Variants in TLE1 observed in about 807,000 individuals in gnomAD.
TLE1 encodes TLE family member 1, transcriptional corepressor.
In TLE1, 21 loss-of-function variants were observed where a neutral mutation model predicts 89.8. The ratio of observed to expected loss-of-function variants is 0.23; its 90% confidence interval spans 0.17 to 0.34. The LOEUF (loss-of-function observed/expected upper bound fraction) is 0.34. Among genes scored for constraint, TLE1 ranks in the 10% least tolerant of loss-of-function variants. TLE1 has a pLI of 1.00. For synonymous variants in TLE1, 447 were observed against 407.6 expected (o/e 1.10, Z -1.16); for missense variants, 795 against 1,031.2 (o/e 0.77, Z 3.14).
intron 4 of TLE1, among the ~76,000 whole-genome samples, chr9:81,673,030 TG>T (rs1197733868): frequency 1.3e-5 from 2 of 151,916 alleles, no homozygotes; most frequent in Non-Finnish European, 2.9e-5. Context: ...CCCAGCACTT[TG>T]GGAGGCTGAG....
At chr9:81,633,284 G>A (rs1369709203) in intron 8 of TLE1, 64 bp downstream of exon 8, 1 of 1,568,780 alleles carries the variant, frequency 6.4e-7, no homozygotes, top group Non-Finnish European at 8.7e-7. Flanking sequence ...TGTCAGAAGG[G>A]GACCGTGTGT....
chr9:81,670,140 G>GT (rs1832028980), intron 4 of TLE1, among the ~76,000 whole-genome samples: 1 of 152,124 alleles, frequency 6.6e-6, no homozygotes, highest in African/African-American at 2.4e-5. Flanking sequence ...TGCTAGAATT[G>GT]TAACAGCCAA....
intron 4 of TLE1, among the ~76,000 whole-genome samples, chr9:81,675,698 G>GTTTC (rs1554701835): frequency 1.5e-5 from 2 of 129,666 alleles, no homozygotes; most frequent in Non-Finnish European, 3.1e-5. Flanking sequence ...ACTCACACTA[G>GTTTC]TTTTTTTTTG....
At chr9:81,600,033 A>G (rs1018050865) in intron 14 of TLE1, 10 of 683,698 alleles carry the variant, frequency 1.5e-5, no homozygotes, top group Admixed American at 1.1e-4. Context: ...GTCAACATTT[A>G]AGATTCTGAG....
chr9:81,585,739 G>GCAA, intron 17 of TLE1, 84 bp from the exon 18 acceptor site: 3 of 1,514,502 alleles, frequency 2.0e-6, no homozygotes, highest in Middle Eastern at 1.7e-4. Flanking sequence ...TGGGGAAATA[G>GCAA]CAAGAATGGG....
chr9:81,687,502 AG>A, intron 1 of TLE1, 68 bp from the exon 2 acceptor site: 1 of 1,225,402 alleles, frequency 8.2e-7, no homozygotes, highest in Non-Finnish European at 1.2e-6. Context: ...AGTAAGTCAG[AG>A]AAGGCAAGAA....
intron 6 of TLE1, among the ~76,000 whole-genome samples, chr9:81,642,731 G>GAAAGAAAA (rs1828305470): frequency 6.6e-6 from 1 of 151,406 alleles, no homozygotes; most frequent in Non-Finnish European, 1.5e-5. Context: ...AAGAAAGAAA[G>GAAAGAAAA]AAAGAGAGAG....
At chr9:81,684,998 G>C (rs1383772850) in intron 4 of TLE1, among the ~76,000 whole-genome samples, 1 of 152,078 alleles carries the variant, frequency 6.6e-6, no homozygotes, top group East Asian at 1.9e-4. Context: ...AATTTTATGG[G>C]AACTTGCAAA....
chr9:81,663,845 C>T (rs1282234519), intron 4 of TLE1, among the ~76,000 whole-genome samples: 2 of 151,850 alleles, frequency 1.3e-5, no homozygotes, highest in African/African-American at 4.8e-5. Flanking sequence ...AGGATGGTCT[C>T]GATCTTCTGA....
chr9:81,668,399 A>C (rs746888017), intron 4 of TLE1, among the ~76,000 whole-genome samples: 1 of 152,214 alleles, frequency 6.6e-6, no homozygotes, highest in Non-Finnish European at 1.5e-5. Flanking sequence ...TTTAGAAGAG[A>C]GTAAGCAAAA....
At chr9:81,625,363 G>T (rs1322905089) in intron 8 of TLE1, among the ~76,000 whole-genome samples, 1 of 152,182 alleles carries the variant, frequency 6.6e-6, no homozygotes, top group Non-Finnish European at 1.5e-5. Flanking sequence ...AGGAATGGCA[G>T]ATCTTCTGAT....
intron 8 of TLE1, among the ~76,000 whole-genome samples, chr9:81,623,265 G>T (rs368866357): frequency 1.2e-4 from 19 of 152,168 alleles, no homozygotes; most frequent in African/African-American, 4.3e-4. Flanking sequence ...TATGGCTCCA[G>T]GGTAGAATAC....
At chr9:81,616,535 GCA>G in intron 10 of TLE1, 109 bp downstream of exon 10, 1 of 1,071,388 alleles carries the variant, frequency 9.3e-7, no homozygotes, top group Non-Finnish European at 1.4e-6. Flanking sequence ...GTAAGAAGTT[GCA>G]AGAGGTCCCC....
intron 6 of TLE1, among the ~76,000 whole-genome samples, chr9:81,640,121 CAGCCCTCACCACAG>C (rs1188085362): frequency 6.6e-6 from 1 of 152,086 alleles, no homozygotes; most frequent in Non-Finnish European, 1.5e-5. Context: ...ATGCACAGGA[CAGCCCTCACCACAG>C]AGAATTATCC....
intron 6 of TLE1, among the ~76,000 whole-genome samples, chr9:81,641,261 C>T (rs1032291961): frequency 6.6e-6 from 1 of 151,834 alleles, no homozygotes; most frequent in South Asian, 2.1e-4. Flanking sequence ...TACGTAAACA[C>T]GTGCAAAAGA....
At chr9:81,586,017 C>CT (rs560998726) in intron 17 of TLE1, among the ~76,000 whole-genome samples, 45,931 of 128,732 alleles carry the variant, frequency 0.36, 8,796 homozygotes, top group South Asian at 0.47. Context: ...CGTTAGGTGA[C>CT]TTTTTTTTTT....
intron 8 of TLE1, among the ~76,000 whole-genome samples, chr9:81,624,039 TC>T (rs1302020268): frequency 6.6e-6 from 1 of 152,024 alleles, no homozygotes; most frequent in Non-Finnish European, 1.5e-5. Context: ...GCCTCCCCTC[TC>T]AGAAGAGTGA....
chr9:81,663,699 T>C (rs1013130037), intron 4 of TLE1, among the ~76,000 whole-genome samples: 1 of 150,336 alleles, frequency 6.7e-6, no homozygotes, highest in Non-Finnish European at 1.5e-5. Flanking sequence ...CTCGGCTCAC[T>C]GCAAGCTCTG....
intron 9 of TLE1, among the ~76,000 whole-genome samples, chr9:81,619,952 C>T (rs570396563): frequency 6.6e-6 from 1 of 152,308 alleles, no homozygotes; most frequent in South Asian, 2.1e-4. Context: ...TTGAGAAGTA[C>T]CATGAGCCTA....
Sources: gnomAD v4.1 joint callset for allele counts (sites outside exome capture counted in the v4.1 genomes callset) on GRCh38, gnomAD v4.1.1 for gene constraint, MANE v1.5 for transcripts, NCBI Gene and HGNC (gene_info 2026-07-23, HGNC 2026-07-21) for gene names.